Variants in SPART observed in about 807,000 individuals in gnomAD.
SPART encodes spastic paraplegia 20 (Troyer syndrome).
Under a neutral mutation model 58.7 loss-of-function variants are expected in SPART, and 35 were observed. The observed-to-expected ratio is 0.60, with a 90% CI of 0.46 to 0.79. The LOEUF (loss-of-function observed/expected upper bound fraction) is 0.79. Ranked by LOEUF, SPART falls within the 30% of genes least tolerant of loss-of-function variation. The probability of loss-of-function intolerance (pLI) is 0.00; values close to 1 mark genes in which losing one functional copy is unlikely to be tolerated. For synonymous variants in SPART, 284 were observed against 280.7 expected (o/e 1.01, Z -0.12); for missense variants, 730 against 786.1 (o/e 0.93, Z 0.85).
upstream of SPART, among the ~76,000 whole-genome samples, chr13:36,347,772 C>A (rs753987786): frequency 6.6e-6 from 1 of 152,066 alleles, no homozygotes; most frequent in Non-Finnish European, 1.5e-5. Flanking sequence ...ACAAAAGAAG[C>A]AACTTCTGTT....
intron 8 of SPART, among the ~76,000 whole-genome samples, chr13:36,309,111 G>A (rs1880813930): frequency 2.0e-5 from 3 of 152,034 alleles, no homozygotes; most frequent in Admixed American, 6.6e-5. Flanking sequence ...GGTCATGGTG[G>A]CGGACACCTG....
intron 4 of SPART, among the ~76,000 whole-genome samples, chr13:36,328,510 C>A (rs940337872): frequency 6.6e-6 from 1 of 152,190 alleles, no homozygotes; most frequent in African/African-American, 2.4e-5. Context: ...CATCCACCCA[C>A]ACTTATCTGT....
At chr13:36,311,721 G>A (rs1881125945) in intron 8 of SPART, among the ~76,000 whole-genome samples, 1 of 152,140 alleles carries the variant, frequency 6.6e-6, no homozygotes, top group Non-Finnish European at 1.5e-5. Flanking sequence ...GAAAAGCAGT[G>A]AGTGAAAAAA....
chr13:36,328,262 T>C (rs969205374), intron 4 of SPART, among the ~76,000 whole-genome samples: 4 of 152,206 alleles, frequency 2.6e-5, no homozygotes, highest in African/African-American at 9.6e-5. Flanking sequence ...GTGATATTCA[T>C]CAATTCCAAA....
chr13:36,323,749 T>A (rs1402278628), intron 5 of SPART, among the ~76,000 whole-genome samples: 1 of 152,158 alleles, frequency 6.6e-6, no homozygotes, highest in Non-Finnish European at 1.5e-5. Flanking sequence ...AAAAAGCTCA[T>A]AAAGAGACAT....
chr13:36,323,425 T>G (rs1882614479), intron 5 of SPART, among the ~76,000 whole-genome samples: 1 of 152,206 alleles, frequency 6.6e-6, no homozygotes, highest in South Asian at 2.1e-4. Flanking sequence ...TCTAGGTTTC[T>G]CAAGCCTATA....
intron 1 of SPART, among the ~76,000 whole-genome samples, chr13:36,353,921 G>C (rs182137605): frequency 1.3e-5 from 2 of 152,302 alleles, no homozygotes; most frequent in Admixed American, 1.3e-4. Flanking sequence ...GGCCTAGACA[G>C]AGGTAACAGT....
intron 3 of SPART, among the ~76,000 whole-genome samples, chr13:36,330,429 T>C (rs1445589380): frequency 6.7e-6 from 1 of 150,118 alleles, no homozygotes; most frequent in Non-Finnish European, 1.5e-5. Flanking sequence ...TATATTTTCA[T>C]ACACACACAC....
chr13:36,318,464 A>T (rs1436691322), intron 5 of SPART, among the ~76,000 whole-genome samples: 2 of 152,216 alleles, frequency 1.3e-5, no homozygotes, highest in Non-Finnish European at 2.9e-5. Flanking sequence ...CTTATTCTCA[A>T]AATACATTTT....
intron 1 of SPART, chr13:36,360,625 C>T (rs915189093): frequency 2.0e-5 from 3 of 152,528 alleles, no homozygotes; most frequent in African/African-American, 7.2e-5. Flanking sequence ...TCATAACTAC[C>T]GTTTGGGTTT....
chr13:36,364,999 C>T (rs1345364414), intron 1 of SPART, among the ~76,000 whole-genome samples: 3 of 152,144 alleles, frequency 2.0e-5, no homozygotes, highest in Non-Finnish European at 2.9e-5. Context: ...AGGATAAGAA[C>T]TAAACTGTTT....
At chr13:36,364,916 C>A (rs983356905) in intron 1 of SPART, among the ~76,000 whole-genome samples, 1 of 152,172 alleles carries the variant, frequency 6.6e-6, no homozygotes, top group Non-Finnish European at 1.5e-5. Flanking sequence ...TCCACACTGA[C>A]CCCAGAGGGA....
At chr13:36,343,821 A>G (rs1310444681) in intron 1 of SPART, among the ~76,000 whole-genome samples, 1 of 152,220 alleles carries the variant, frequency 6.6e-6, no homozygotes, top group Non-Finnish European at 1.5e-5. Flanking sequence ...CAGCTTGCCC[A>G]AGAAGAGAGC....
In SPART at chr13:36,304,588, G is replaced by C; in HGVS notation, c.1778C>G (p.Ser593Cys). 1 of 1,614,072 alleles carries C rather than the reference G, an allele frequency of 6.2e-7. No homozygotes were observed. The highest frequency in any genetic ancestry group is 8.5e-7 in the Non-Finnish European group (1 of 1,179,986). The change falls in exon 9 of 9, where the codon TCT becomes TGT. Residue 593 changes from serine to cysteine, a missense_variant. Physicochemically the swap from Ser to Cys is moderately radical, Grantham distance 112. Coordinates refer to ENST00000438666, the MANE Select transcript of SPART (RefSeq NM_015087.5). Reference sequence around the variant, plus strand: ...GGCAGTTACGCCAACATTGACCGCAGAATCCACCGCATGGTGGGTAGCTTC... The same window carrying C: ...GGCAGTTACGCCAACATTGACCGCACAATCCACCGCATGGTGGGTAGCTTC... ...AGEATHHAVD[S>C]AVNVGVTAYN...
At chr13:36,363,506 C>T (rs1885946638) in intron 1 of SPART, among the ~76,000 whole-genome samples, 1 of 152,022 alleles carries the variant, frequency 6.6e-6, no homozygotes, top group African/African-American at 2.4e-5. Flanking sequence ...TTTGCTTGAT[C>T]CTTTTTCCCC....
At chr13:36,368,183 C>T (rs1886141541) in intron 1 of SPART, 1 of 462,946 alleles carries the variant, frequency 2.2e-6, no homozygotes, top group Non-Finnish European at 4.5e-6. Context: ...TTACTCATTC[C>T]TTTCTCCCTT....
In SPART at chr13:36,302,972, A is replaced by C. The variant is rs947450364; in HGVS notation, c.*1393T>G. The C allele has an allele frequency of 6.6e-6, 1 of 152,114 alleles. No individual in the cohort carries two copies. The highest frequency in any genetic ancestry group is 2.4e-5 in the African/African-American group (1 of 41,418). The allele number at this position is 152,114 out of a possible 1,614,324, so 9.4% of individuals were successfully genotyped here. A position where few individuals can be genotyped will look rare whatever the true frequency, so the allele number is the denominator to read the frequency against. On this transcript the variant is annotated 3_prime_UTR_variant, in exon 9 of 9. Coordinates refer to ENST00000438666, the MANE Select transcript of SPART (RefSeq NM_015087.5). ...TAATTTTTAGCTCCCACAAATGAGA[A>C]TATATGAAGTGCCATTCCATTTCTT...
chr13:36,351,687 A>G (rs982188397), intron 1 of SPART, among the ~76,000 whole-genome samples: 2 of 152,208 alleles, frequency 1.3e-5, no homozygotes, highest in Non-Finnish European at 2.9e-5. Flanking sequence ...TATACTTACA[A>G]ATCCTGGGTG....
At chr13:36,352,386 A>G (rs1885451910) in intron 1 of SPART, among the ~76,000 whole-genome samples, 1 of 152,198 alleles carries the variant, frequency 6.6e-6, no homozygotes, top group African/African-American at 2.4e-5. Flanking sequence ...TAAATAGGCT[A>G]CTGGGTTGGC....
Sources: gnomAD v4.1 joint callset for allele counts (sites outside exome capture counted in the v4.1 genomes callset) on GRCh38, gnomAD v4.1.1 for gene constraint, MANE v1.5 for transcripts, NCBI Gene and HGNC (gene_info 2026-07-23, HGNC 2026-07-21) for gene names.